HOXA3: variants seen among roughly 807,000 people sequenced by gnomAD.
HOXA3 encodes the protein homeobox protein Hox-A3.
HOXA3 carries 8 observed loss-of-function variants against 30.3 expected under a neutral mutation model. The observed-to-expected ratio is 0.26, with a 90% CI of 0.15 to 0.48. HOXA3 has a LOEUF of 0.48. Among genes scored for constraint, HOXA3 ranks in the 20% least tolerant of loss-of-function variants. The pLI is 0.99. For missense variants in HOXA3, 653 were observed against 614.4 expected, an observed-to-expected ratio of 1.06 and a Z score of -0.66; for synonymous variants, 323 against 273.1, an observed-to-expected ratio of 1.18 and a Z score of -1.80.
At position 27,110,130 on chromosome 7, in the gene HOXA3, T is replaced by G; in HGVS notation, c.511A>C (p.Ser171Arg). 6.2e-7 allele frequency: 1 copy of G among 1,614,180 alleles called. No homozygotes were observed. The highest frequency in any genetic ancestry group is 8.5e-7 in the Non-Finnish European group (1 of 1,180,034). The change falls in exon 5 of 6, where the codon AGC becomes CGC. Residue 171 changes from serine (S) to arginine (R), a missense_variant. Ser to Arg is a moderately radical substitution (Grantham distance 110). This residue lies in a region of HOXA3 where 320 missense variants were observed against 321.9 expected (regional missense o/e 0.99). Coordinates refer to ENST00000612286, the MANE Select transcript of HOXA3 (RefSeq NM_153631.3). ...ESRQNTKQKT[S>R]SSSSGESCAG... ...ACTCCTTTACCTGAGCTGGAGCTGCTGGTTTTCTGCTTTGTGTTTTGTCGA... is the reference window on the plus strand; with the variant it reads ...ACTCCTTTACCTGAGCTGGAGCTGCGGGTTTTCTGCTTTGTGTTTTGTCGA...
chr7:27,141,732 G>T, intron 1 of HOXA3: 1 of 1,411,914 alleles, frequency 7.1e-7, no homozygotes, highest in Non-Finnish European at 9.7e-7. Flanking sequence ...CGAGAACAGG[G>T]CTTCTTCACA....
At chr7:27,127,742 A>G (rs1293851118) in intron 2 of HOXA3, among the ~76,000 whole-genome samples, 1 of 152,198 alleles carries the variant, frequency 6.6e-6, no homozygotes, top group East Asian at 1.9e-4. Context: ...AGATCTCTGG[A>G]ATCGAGCAGA....
intron 4 of HOXA3, among the ~76,000 whole-genome samples, chr7:27,114,741 T>TCACACACACACACACACACA (rs1420948566): frequency 1.1e-3 from 9 of 8,344 alleles, no homozygotes; most frequent in East Asian, 0.015. Context: ...GAAACCGACA[T>TCACACACACACACACACACA]CATACACACA....
In HOXA3 at chr7:27,152,302, T is replaced by C; in HGVS notation, c.-508A>G. The C allele has an allele frequency of 1.6e-6, 2 of 1,277,918 alleles. No homozygotes were observed. The highest frequency in any genetic ancestry group is 1.0e-6 in the Non-Finnish European group (1 of 982,968). 79.2% of individuals were successfully genotyped at this position (1,277,918 alleles called of 1,614,324 possible). On this transcript the variant is annotated 5_prime_UTR_variant, in exon 1 of 6. Transcript: ENST00000612286. Reference sequence around the variant, plus strand: ...ACATGTCTCACCTTCAGACGGTGGCTCCCAGAAGCTCCTGCCCCTCTGACA... The same window carrying C: ...ACATGTCTCACCTTCAGACGGTGGCCCCCAGAAGCTCCTGCCCCTCTGACA...
chr7:27,108,025 G>A lies in HOXA3; in HGVS notation c.1222C>T (p.His408Tyr). ...TCCCCAGGCCCCGGCCCGTGGTGGT[G>A]GCCGCTGCCCAGCGGCCCGGCACCC... ...YGGAGPLGSG[H>Y]HHGPGPGEPH... The change falls in exon 6 of 6, where the codon CAC becomes TAC. Residue 408 changes from histidine to tyrosine, a missense_variant. Coordinates refer to ENST00000612286, the MANE Select transcript of HOXA3 (RefSeq NM_153631.3). The surrounding 1 kb of genome is among the most constrained non-coding windows in gnomAD (Gnocchi z 5.0). The A allele has an allele frequency of 1.2e-6, 2 of 1,612,822 alleles. No homozygotes were observed. Among genetic ancestry groups the A allele is most frequent in the South Asian group, 2.2e-5 (2 of 91,004 alleles).
chr7:27,130,724 TCA>T lies in HOXA3; in HGVS notation c.-389-3656_-389-3655del. On this transcript the variant is annotated intron_variant, in intron 2 of 5. Transcript: ENST00000612286. ...TAGTTGGAGTTTATCAAAAACGAGC[TCA>T]TGGTCATTAATTTGTGAAGTGCAAA... 1.9e-6 allele frequency: 3 copies of T among 1,606,478 alleles called. No homozygotes were observed. The South Asian group carries it at 3.3e-5, about 18-fold the overall frequency.
chr7:27,111,764 C>A (rs920086079), intron 4 of HOXA3, among the ~76,000 whole-genome samples: 4 of 152,230 alleles, frequency 2.6e-5, no homozygotes, highest in East Asian at 1.9e-4. Flanking sequence ...GGAAAAAAAA[C>A]CCCTCCAGGA....
intron 1 of HOXA3, among the ~76,000 whole-genome samples, chr7:27,144,117 G>A (rs1409567290): frequency 6.6e-6 from 1 of 152,244 alleles, no homozygotes; most frequent in Non-Finnish European, 1.5e-5. Flanking sequence ...GTGGTGACTT[G>A]CATTTTATTT....
chr7:27,108,631 G>A lies in HOXA3; in HGVS notation c.616C>T (p.Leu206=). 6.2e-7 allele frequency: 1 copy of A among 1,614,126 alleles called. No homozygotes were observed. The highest frequency in any genetic ancestry group is 8.5e-7 in the Non-Finnish European group (1 of 1,179,974). ...TAYTSAQLVE[L]EKEFHFNRYL... ...CGGTTGAAGTGGAACTCTTTCTCCA[G>A]CTCCACCAGCTGCGCGCTCGTGTAG... The change falls in exon 6 of 6, where the codon CTG becomes TTG. Residue 206 remains leucine, a synonymous_variant. Coordinates refer to ENST00000612286, the MANE Select transcript of HOXA3 (RefSeq NM_153631.3). This position sits in a 1 kb window ranked among gnomAD's most constrained non-coding sequence, Gnocchi z 5.0.
At chr7:27,152,049 C>T (rs1313318513) in intron 1 of HOXA3, among the ~76,000 whole-genome samples, 1 of 151,786 alleles carries the variant, frequency 6.6e-6, no homozygotes, top group African/African-American at 2.4e-5. Context: ...ACTGCCAAGG[C>T]GAGCCAGGGA....
intron 1 of HOXA3, among the ~76,000 whole-genome samples, chr7:27,149,019 G>A (rs1294000264): frequency 6.6e-6 from 1 of 152,230 alleles, no homozygotes; most frequent in Non-Finnish European, 1.5e-5. Context: ...CAGTCGCTCC[G>A]GAACCGGGAA....
In HOXA3 at chr7:27,110,547, G is replaced by A; in HGVS notation, c.94C>T (p.Pro32Ser). Residue 32 changes from proline to serine, a missense_variant, in exon 5 of 6, where the codon CCG becomes TCG. Coordinates refer to ENST00000612286, the MANE Select transcript of HOXA3 (RefSeq NM_153631.3). ...NGFAYNANQQ[P>S]YPASAALGAD... ...CCCAAAGCGGCGGACGCCGGGTACGGCTGCTGATTGGCATTATAAGCGAAC... is the reference window on the plus strand; with the variant it reads ...CCCAAAGCGGCGGACGCCGGGTACGACTGCTGATTGGCATTATAAGCGAAC... The A allele has an allele frequency of 1.2e-6, 2 of 1,606,860 alleles. No individual in the cohort carries two copies. Among genetic ancestry groups the A allele is most frequent in the Non-Finnish European group, 1.7e-6 (2 of 1,174,956 alleles).
At position 27,110,354 on chromosome 7, in the gene HOXA3, TG is replaced by T; in HGVS notation, c.286del (p.Gln96ArgfsTer64). 1 of 1,496,390 alleles carries T rather than the reference TG, an allele frequency of 6.7e-7. No homozygotes were observed. The highest frequency in any genetic ancestry group is 8.9e-7 in the Non-Finnish European group (1 of 1,127,066). The allele number at this position is 1,496,390 out of a possible 1,614,324, so 92.7% of individuals were successfully genotyped here. Reference sequence around the variant, plus strand: ...CGGCTGTGGGGCAGGGGGCGCGGCCTGGGGCGGCGGCGGGTGCAGGGGCGGC... The same window carrying T: ...CGGCTGTGGGGCAGGGGGCGCGGCCTGGGCGGCGGCGGGTGCAGGGGCGGC... ...GEPPLHPPPP[Q>X]AAPPAPQPPQ... On this transcript the variant is annotated frameshift_variant, in exon 5 of 6. Coordinates refer to ENST00000612286, the MANE Select transcript of HOXA3 (RefSeq NM_153631.3). LOFTEE classifies it high-confidence loss of function.
rs1784480093 is a variant in HOXA3 at position 27,113,306 on chromosome 7, C to T, written c.-120-2546G>A. ...GTCCTTCAGACATCGCTCCCTCTTC[C>T]CATTCCCTCCTCTTTCTTAGCCTTC... On this transcript the variant is annotated intron_variant, in intron 4 of 5. Transcript: ENST00000612286. This position sits in a 1 kb window ranked among gnomAD's most constrained non-coding sequence, Gnocchi z 4.8. Among the ~76,000 whole-genome samples, 1 of 152,220 alleles carries T rather than the reference C, an allele frequency of 6.6e-6. No homozygotes were observed. The highest frequency in any genetic ancestry group is 1.5e-5 in the Non-Finnish European group (1 of 68,038).
At chr7:27,150,496 A>G (rs1247564274) in intron 1 of HOXA3, 1 of 152,500 alleles carries the variant, frequency 6.6e-6, no homozygotes, top group African/African-American at 2.4e-5. Context: ...CCCAAAGCAC[A>G]CAGGTGCGGC....
At chr7:27,141,561 C>T (rs1387941968) in intron 1 of HOXA3, 2 of 287,966 alleles carry the variant, frequency 6.9e-6, no homozygotes, top group Admixed American at 4.8e-5. Context: ...GTTATAGTTA[C>T]TTCAAGTAAC....
chr7:27,112,480 A>AAATT (rs1449699477), intron 4 of HOXA3, among the ~76,000 whole-genome samples: 1 of 152,236 alleles, frequency 6.6e-6, no homozygotes, highest in Non-Finnish European at 1.5e-5. Flanking sequence ...CCTCGATTAA[A>AAATT]AATTACAGCA....
chr7:27,147,677 G>T, intron 1 of HOXA3: 1 of 1,614,008 alleles, frequency 6.2e-7, no homozygotes, highest in Non-Finnish European at 8.5e-7. Flanking sequence ...TAGAGGGGCA[G>T]CTGGCCCAAG....
chr7:27,109,732 C>T (rs184794817), intron 5 of HOXA3, among the ~76,000 whole-genome samples: 1 of 152,306 alleles, frequency 6.6e-6, no homozygotes, highest in East Asian at 1.9e-4. Context: ...TTTTATTCTG[C>T]CACATTTCAG....
Sources: gnomAD v4.1 joint callset for allele counts (sites outside exome capture counted in the v4.1 genomes callset) on GRCh38, gnomAD v4.1.1 for gene constraint, gnomAD v4.1.1 regional missense constraint, Gnocchi (gnomAD v3.1) non-coding constraint, MANE v1.5 for transcripts, NCBI Gene and HGNC (gene_info 2026-07-23, HGNC 2026-07-21) for gene names.